The following KLHL13 variants were observed in gnomAD, a reference collection of about 807,000 sequenced individuals.
The protein encoded by KLHL13 is kelch like family member 13, also known as kelch-like protein 13.
A neutral mutation model predicts 37.1 loss-of-function variants in KLHL13; 10 were observed. The observed-to-expected ratio is 0.27, with a 90% CI of 0.17 to 0.46. The LOEUF (loss-of-function observed/expected upper bound fraction) is 0.46, where lower values mean the gene tolerates loss of function less well. Among genes scored for constraint, KLHL13 ranks in the 20% least tolerant of loss-of-function variants. The pLI is 1.00. For synonymous variants in KLHL13, 163 were observed against 181.2 expected (o/e 0.90, Z 0.81); for missense variants, 360 against 509.3 (o/e 0.71, Z 2.82).
At chrX:118,113,334 AT>A (rs763750256) in intron 1 of KLHL13, among the ~76,000 whole-genome samples, 3 of 111,710 alleles carry the variant, frequency 2.7e-5, no homozygotes, top group East Asian at 2.8e-4. Context: ...TCCCTGGATA[AT>A]TTTTTTAAGC....
intron 1 of KLHL13, among the ~76,000 whole-genome samples, chrX:118,080,369 T>C (rs1412864316): frequency 2.7e-5 from 3 of 110,926 alleles, no homozygotes; most frequent in Non-Finnish European, 5.7e-5. Context: ...AAACTATGCA[T>C]TCAACAAACG....
chrX:117,944,540 T>C (rs1182993627), intron 2 of KLHL13, among the ~76,000 whole-genome samples: 2 of 111,899 alleles, frequency 1.8e-5, no homozygotes, highest in East Asian at 2.8e-4. Flanking sequence ...TTATATTATA[T>C]TCTATATACA....
Position 117,906,574 on chromosome X carries a change from T to C in KLHL13, c.1366+2727A>G, listed in dbSNP as rs966127433. Among the ~76,000 whole-genome samples, 3 of 111,416 alleles carry C rather than the reference T, an allele frequency of 2.7e-5. No homozygotes were observed. The Admixed American group carries it at 2.9e-4, about 11-fold the overall frequency. On this transcript the variant is annotated intron_variant, in intron 5 of 6. Transcript: ENST00000262820. The stretch of plus-strand genomic sequence containing the variant: ...AATGAAACCTCTTGCTTCTTGGCTT[T>C]ATCTAATGACTCTTTTTGGCCTTTT...
chrX:118,007,052 G>C (rs1019046278), intron 1 of KLHL13, among the ~76,000 whole-genome samples: 3 of 111,181 alleles, frequency 2.7e-5, no homozygotes, highest in African/African-American at 6.5e-5. Context: ...GGAATCTAGA[G>C]AGAAAAGTGT....
chrX:117,953,298 C>T (rs987434851), intron 1 of KLHL13, among the ~76,000 whole-genome samples: 51 of 110,181 alleles, frequency 4.6e-4, no homozygotes, highest in Non-Finnish European at 7.8e-4. Context: ...AGTAAACTAT[C>T]GCAAGGAAAA....
At chrX:118,107,527 T>A (rs768668486) in intron 1 of KLHL13, among the ~76,000 whole-genome samples, 1 of 112,437 alleles carries the variant, frequency 8.9e-6, no homozygotes, top group Non-Finnish European at 1.9e-5. Context: ...GCCACAAATC[T>A]ATGAAAATAA....
At chrX:117,986,278 T>C (rs1467766312) in intron 1 of KLHL13, among the ~76,000 whole-genome samples, 1 of 111,851 alleles carries the variant, frequency 8.9e-6, no homozygotes, top group African/African-American at 3.2e-5. Flanking sequence ...AGAAATAGCC[T>C]GTGCAAAGAA....
chrX:118,055,893 A>G (rs1484977831), intron 1 of KLHL13, among the ~76,000 whole-genome samples: 1 of 112,411 alleles, frequency 8.9e-6, no homozygotes. Context: ...TCTATTCAAC[A>G]TTGTGCTAGA....
At chrX:118,054,537 A>C (rs1206211913) in intron 1 of KLHL13, among the ~76,000 whole-genome samples, 1 of 112,034 alleles carries the variant, frequency 8.9e-6, no homozygotes, top group Non-Finnish European at 1.9e-5. Context: ...GTCCGTGCTC[A>C]AACACTAAGC....
intron 2 of KLHL13, among the ~76,000 whole-genome samples, chrX:117,922,478 T>C (rs1931766492): frequency 8.9e-6 from 1 of 111,975 alleles, no homozygotes; most frequent in African/African-American, 3.2e-5. Flanking sequence ...AACAAAATTT[T>C]ACTCAGAAGC....
At chrX:118,111,871 G>A (rs954836458) in intron 1 of KLHL13, among the ~76,000 whole-genome samples, 3 of 111,867 alleles carry the variant, frequency 2.7e-5, no homozygotes, top group Admixed American at 9.5e-5. Flanking sequence ...CAGCCTGAAC[G>A]ATAGAGTGAG....
chrX:117,901,574 G>A (rs1279838556), intron 6 of KLHL13, among the ~76,000 whole-genome samples: 2 of 106,118 alleles, frequency 1.9e-5, no homozygotes, highest in Non-Finnish European at 3.9e-5. Context: ...GCGCAATCTC[G>A]GCTCACTGCA....
At chrX:118,062,546 T>TA (rs1320296950) in intron 1 of KLHL13, among the ~76,000 whole-genome samples, 27 of 107,051 alleles carry the variant, frequency 2.5e-4, no homozygotes, top group East Asian at 8.6e-4. Flanking sequence ...CTTTTTGTTT[T>TA]AAAAAAAAAA....
At chrX:118,109,743 G>A (rs937268340) in intron 1 of KLHL13, among the ~76,000 whole-genome samples, 4 of 112,209 alleles carry the variant, frequency 3.6e-5, no homozygotes, top group Non-Finnish European at 5.6e-5. Context: ...CACAATGCTT[G>A]GAATATAATA....
At chrX:118,057,496 T>C (rs1260411692) in intron 1 of KLHL13, among the ~76,000 whole-genome samples, 1 of 112,393 alleles carries the variant, frequency 8.9e-6, no homozygotes, top group Non-Finnish European at 1.9e-5. Flanking sequence ...AATCAAAATG[T>C]AAAACTTGTG....
chrX:117,931,814 G>A lies in KLHL13; in HGVS notation c.241-11444C>T, dbSNP rs557608589. ...CCTCCTAATCTCCCTGAGCTTCAGC[G>A]TCCTTATCTATAAAATGGAGATAAC... On this transcript the variant is annotated intron_variant, in intron 2 of 6. Transcript: ENST00000262820. 3.7e-4 allele frequency among the ~76,000 whole-genome samples: 41 copies of A among 110,979 alleles called. 1 individual carries two copies. In the South Asian group the frequency reaches 0.015, roughly 42 times the overall value.
At chrX:118,096,100 C>T (rs1288729096) in intron 1 of KLHL13, among the ~76,000 whole-genome samples, 1 of 111,259 alleles carries the variant, frequency 9.0e-6, no homozygotes, top group Non-Finnish European at 1.9e-5. Context: ...GAAGGAAATA[C>T]AGACACAAAA....
intron 5 of KLHL13, among the ~76,000 whole-genome samples, chrX:117,908,383 T>C (rs1481791157): frequency 1.8e-5 from 2 of 108,851 alleles, no homozygotes; most frequent in Admixed American, 2.0e-4. Context: ...CCTAATGCTA[T>C]CCCTCCCCTA....
chrX:118,086,195 C>G (rs989164003), intron 1 of KLHL13, among the ~76,000 whole-genome samples: 4 of 111,884 alleles, frequency 3.6e-5, no homozygotes, highest in African/African-American at 1.3e-4. Context: ...CTTGGCCTCC[C>G]AAAGTGCTGG....
Sources: gnomAD v4.1 joint callset for allele counts (sites outside exome capture counted in the v4.1 genomes callset) on GRCh38, gnomAD v4.1.1 for gene constraint, MANE v1.5 for transcripts, NCBI Gene and HGNC (gene_info 2026-07-23, HGNC 2026-07-21) for gene names.